RASSF2: variants seen among roughly 807,000 people sequenced by gnomAD.
RASSF2 encodes Ras association domain family member 2.
In RASSF2, 34 loss-of-function variants were observed where a neutral mutation model predicts 46.3. The ratio of observed to expected loss-of-function variants is 0.73; its 90% CI spans 0.56 to 0.98. The LOEUF (loss-of-function observed/expected upper bound fraction) is 0.98, where lower values mean the gene tolerates loss of function less well. Among genes scored for constraint, RASSF2 ranks in the 50% least tolerant of loss-of-function variants. RASSF2 has a pLI of 0.00. For synonymous variants in RASSF2, 158 were observed against 162.5 expected, an observed-to-expected ratio of 0.97 and a Z score of 0.21; for missense variants, 364 against 431.2, an observed-to-expected ratio of 0.84 and a Z score of 1.38.
chr20:4,784,592 CAAAAAAAA>C (rs71197728), intron 11 of RASSF2, among the ~76,000 whole-genome samples: 22 of 89,896 alleles, frequency 2.4e-4, no homozygotes, highest in Middle Eastern at 9.1e-3. Context: ...AACATCTAGC[CAAAAAAAA>C]AAAAAAAAAA....
At chr20:4,786,917 T>C (rs999797815) in intron 10 of RASSF2, among the ~76,000 whole-genome samples, 4 of 152,028 alleles carry the variant, frequency 2.6e-5, no homozygotes, top group African/African-American at 9.7e-5. Flanking sequence ...ACCCCGTCTC[T>C]ACTAAAAATA....
chr20:4,822,775 T>A (rs1928791891), intron 1 of RASSF2, among the ~76,000 whole-genome samples: 1 of 152,158 alleles, frequency 6.6e-6, no homozygotes, highest in Admixed American at 6.5e-5. Context: ...TGCGCCCCTC[T>A]GAAGCGCGCC....
chr20:4,787,791 C>G (rs773352146), intron 9 of RASSF2, 37 bp from the exon 10 acceptor site: 18 of 1,612,170 alleles, frequency 1.1e-5, no homozygotes, highest in African/African-American at 6.8e-5. Flanking sequence ...CCCTGAGAGG[C>G]CTTTCTCACA....
intron 11 of RASSF2, 42 bp from the exon 12 acceptor site, chr20:4,784,384 C>A: frequency 1.3e-6 from 2 of 1,587,414 alleles, no homozygotes; most frequent in Non-Finnish European, 1.7e-6. Flanking sequence ...CAGCCAGCAA[C>A]ACACCCCTGC....
rs1358091878 is a variant in RASSF2, at chr20:4,801,080, A to T, written c.-32-18T>A. 1 of 1,598,454 alleles carries T rather than the reference A, an allele frequency of 6.3e-7. No individual in the cohort carries two copies. Among genetic ancestry groups the T allele is most frequent in the Non-Finnish European group, 8.6e-7 (1 of 1,166,268 alleles). On this transcript the variant is annotated intron_variant, in intron 2 of 11. Coordinates refer to ENST00000379400, the MANE Select transcript of RASSF2 (RefSeq NM_014737.3). ...GGAGAGGCCTACATTTGGAAGGAGA[A>T]GACAGAGGTTAAAGTCAAGTTGTGT...
At chr20:4,814,771 C>T (rs1601137165) in intron 2 of RASSF2, among the ~76,000 whole-genome samples, 4 of 152,342 alleles carry the variant, frequency 2.6e-5, no homozygotes, top group African/African-American at 9.6e-5. Context: ...TCTCAGACCC[C>T]TCCTAGTGCC....
At chr20:4,803,269 AT>A (rs1169886680) in intron 2 of RASSF2, among the ~76,000 whole-genome samples, 1 of 152,102 alleles carries the variant, frequency 6.6e-6, no homozygotes, top group East Asian at 1.9e-4. Context: ...CAGTGAGACA[AT>A]GTGAGAAGGA....
chr20:4,809,621 G>A (rs1343807475), intron 2 of RASSF2, among the ~76,000 whole-genome samples: 1 of 152,180 alleles, frequency 6.6e-6, no homozygotes, highest in Non-Finnish European at 1.5e-5. Flanking sequence ...TTCCAGGAAG[G>A]GGATGGGATC....
intron 2 of RASSF2, among the ~76,000 whole-genome samples, chr20:4,815,295 T>G (rs111830260): frequency 0.02 from 3,077 of 152,232 alleles, 93 homozygotes; most frequent in African/African-American, 0.07. Context: ...GCCCCGACTG[T>G]ACACAAAAGA....
chr20:4,792,620 G>T lies in RASSF2; in HGVS notation c.295C>A (p.Leu99Met), dbSNP rs778610956. 25 of 1,613,952 alleles carry T rather than the reference G, an allele frequency of 1.5e-5. No individual in the cohort carries two copies. Among genetic ancestry groups the T allele is most frequent in the Admixed American group, 3.3e-5 (2 of 59,992 alleles). Residue 99 changes from leucine (L) to methionine (M), a missense_variant, in exon 6 of 12, where the codon CTG (leucine) becomes ATG (methionine). By Grantham distance (15) the Leu-to-Met change is conservative. Transcript: ENST00000379400. Reference sequence around the variant, plus strand: ...ACTTTGGGCACAGTCAGGGGCTTCAGAGTGGTTCTGGGAGTGGAGAAGACA... The same window carrying T: ...ACTTTGGGCACAGTCAGGGGCTTCATAGTGGTTCTGGGAGTGGAGAAGACA... ...GCNLGAQGTT[L>M]KPLTVPKVQI...
chr20:4,787,732 G>A lies in RASSF2; in HGVS notation c.714C>T (p.Thr238=), dbSNP rs145260875. ...TSGEKQKLKA[T]DYPLIARILQ... Reference sequence around the variant, plus strand: ...GGATTCGGGCAATCAGCGGGTAATCGGTGGCCTTCAGCTTCTGTTTCTCTG... The same window carrying A: ...GGATTCGGGCAATCAGCGGGTAATCAGTGGCCTTCAGCTTCTGTTTCTCTG... Residue 238 remains threonine, a synonymous_variant, in exon 10 of 12, where the codon ACC becomes ACT. Coordinates refer to ENST00000379400, the MANE Select transcript of RASSF2 (RefSeq NM_014737.3). 1,395 of 1,614,000 alleles carry A rather than the reference G, an allele frequency of 8.6e-4. 11 individuals are homozygous for A. Among genetic ancestry groups the A allele is most frequent in the Non-Finnish European group, 3.0e-4 (357 of 1,180,034 alleles).
chr20:4,782,399 G>A lies in RASSF2; in HGVS notation c.*1874C>T, dbSNP rs1005708498. On this transcript the variant is annotated 3_prime_UTR_variant, in exon 12 of 12. Transcript: ENST00000379400. ...AGGAGGTGTTTGCATTCACAGAACT[G>A]TTCTTTCCCAGCTGTAACAAAGGAA... The A allele has an allele frequency of 5.2e-5, 8 of 152,650 alleles. No homozygotes were observed. Among genetic ancestry groups the A allele is most frequent in the Non-Finnish European group, 1.0e-4 (7 of 68,036 alleles). 9.5% of individuals were successfully genotyped at this position (152,650 alleles called of 1,614,324 possible).
At chr20:4,818,007 C>G (rs948536731) in intron 2 of RASSF2, among the ~76,000 whole-genome samples, 1 of 152,204 alleles carries the variant, frequency 6.6e-6, no homozygotes, top group African/African-American at 2.4e-5. Context: ...TGGCTCATGC[C>G]TGTAATCCCA....
intron 11 of RASSF2, among the ~76,000 whole-genome samples, chr20:4,785,804 T>A (rs1187572476): frequency 6.6e-6 from 1 of 152,046 alleles, no homozygotes; most frequent in African/African-American, 2.4e-5. Context: ...TCTGCCCAAG[T>A]CTTCGCAAAT....
rs1347172422 is a variant in RASSF2, at chr20:4,780,140, G to A, written c.*4133C>T. 1 of 152,346 alleles carries A rather than the reference G, an allele frequency of 6.6e-6. No homozygotes were observed. Among genetic ancestry groups the A allele is most frequent in the Non-Finnish European group, 1.5e-5 (1 of 68,054 alleles). The allele number at this position is 152,346 out of a possible 1,614,324, so 9.4% of individuals were successfully genotyped here. On this transcript the variant is annotated 3_prime_UTR_variant, in exon 12 of 12. Transcript: ENST00000379400. The stretch of plus-strand genomic sequence containing the variant: ...GGCCCTGTCAGATTATGTTAGATGA[G>A]TAAACGCATCAGTGTGTAAGTTCAG...
rs1924887305 is a variant in RASSF2 at position 4,782,096 on chromosome 20, G to A, written c.*2177C>T. The A allele has an allele frequency of 6.6e-6, 1 of 152,212 alleles. No homozygotes were observed. The highest frequency in any genetic ancestry group is 1.5e-5 in the Non-Finnish European group (1 of 68,040). 9.4% of individuals were successfully genotyped at this position (152,212 alleles called of 1,614,324 possible). On this transcript the variant is annotated 3_prime_UTR_variant, in exon 12 of 12. Transcript: ENST00000379400. ...CTCCCATCTTTAAAAAGCTGAGTCT[G>A]CCTTAGTATCGCTCCCTTGGAAAGT...
At chr20:4,809,605 T>C (rs967474666) in intron 2 of RASSF2, among the ~76,000 whole-genome samples, 2 of 152,310 alleles carry the variant, frequency 1.3e-5, no homozygotes, top group South Asian at 4.1e-4. Flanking sequence ...TTATCATGAT[T>C]ACTGCTTCCA....
intron 1 of RASSF2, among the ~76,000 whole-genome samples, chr20:4,822,721 C>G (rs1313861413): frequency 2.6e-5 from 4 of 152,244 alleles, no homozygotes; most frequent in Admixed American, 2.6e-4. Flanking sequence ...GCGGGGAGAC[C>G]GCAAAGGGGA....
chr20:4,815,453 C>A (rs181146720), intron 2 of RASSF2, among the ~76,000 whole-genome samples: 1 of 152,180 alleles, frequency 6.6e-6, no homozygotes, highest in Non-Finnish European at 1.5e-5. Context: ...GTCCCCCCTG[C>A]ACCCCATGCC....
Sources: allele counts gnomAD v4.1 joint callset (sites outside exome capture counted in the v4.1 genomes callset), GRCh38; gene constraint gnomAD v4.1.1; transcripts MANE v1.5; gene names NCBI Gene and HGNC (gene_info 2026-07-23, HGNC 2026-07-21).